BTBD9: variants seen among roughly 807,000 people sequenced by gnomAD.
The protein encoded by BTBD9 is BTB/POZ domain-containing protein 9.
Under a neutral mutation model 64.3 loss-of-function variants are expected in BTBD9, and 49 were observed. The ratio of observed to expected loss-of-function variants is 0.76; its 90% confidence interval spans 0.61 to 0.97. The LOEUF is 0.97. Ranked by LOEUF, BTBD9 falls within the 50% of genes least tolerant of loss-of-function variation. BTBD9 has a pLI of 0.00. For missense variants in BTBD9, 598 were observed against 762.1 expected (o/e 0.78, Z 2.53); for synonymous variants, 260 against 274.7 (o/e 0.95, Z 0.53).
chr6:38,327,449 A>C (rs1763484910), intron 7 of BTBD9, among the ~76,000 whole-genome samples: 1 of 152,174 alleles, frequency 6.6e-6, no homozygotes, highest in South Asian at 2.1e-4. Flanking sequence ...CAAATACTAA[A>C]GGTTTCTTTT....
chr6:38,338,256 C>T (rs1442287060), intron 7 of BTBD9, among the ~76,000 whole-genome samples: 1 of 152,220 alleles, frequency 6.6e-6, no homozygotes, highest in Admixed American at 6.5e-5. Context: ...ACAGATGATT[C>T]ACATCCCTGG....
At chr6:38,379,832 G>C (rs1348686348) in intron 6 of BTBD9, among the ~76,000 whole-genome samples, 1 of 152,190 alleles carries the variant, frequency 6.6e-6, no homozygotes, top group African/African-American at 2.4e-5. Flanking sequence ...ACTATATTGG[G>C]AGGATAGGGA....
Position 38,351,504 on chromosome 6 carries a change from G to GTTTTTTTTTTT in BTBD9, c.1155-6412_1155-6411insAAAAAAAAAAA, listed in dbSNP as rs79539406. Among the ~76,000 whole-genome samples, 15 of 96,684 alleles carry GTTTTTTTTTTT rather than the reference G, an allele frequency of 1.6e-4. 1 individual carries two copies. The highest frequency in any genetic ancestry group is 3.8e-4 in the Admixed American group (3 of 7,814). The allele number at this position is 96,684 out of a possible 152,430, so 63.4% of individuals were successfully genotyped here. ...TACTAAAGACAAATATTTAATTGTTGTTGTTTTTTTTTTTTTTTTTTTTGA... is the reference window on the plus strand; with the variant it reads ...TACTAAAGACAAATATTTAATTGTTGTTTTTTTTTTTTTGTTTTTTTTTTTTTTTTTTTTGA... On this transcript the variant is annotated intron_variant, in intron 6 of 10. Coordinates refer to ENST00000481247, the MANE Select transcript of BTBD9 (RefSeq NM_001099272.2).
At chr6:38,316,596 T>C (rs1480879852) in intron 7 of BTBD9, among the ~76,000 whole-genome samples, 2 of 152,214 alleles carry the variant, frequency 1.3e-5, no homozygotes, top group Non-Finnish European at 2.9e-5. Context: ...TAACTTCATC[T>C]CCCCACTTTT....
chr6:38,552,179 T>A (rs1774829367), intron 6 of BTBD9, among the ~76,000 whole-genome samples: 1 of 152,186 alleles, frequency 6.6e-6, no homozygotes, highest in Admixed American at 6.5e-5. Context: ...ATTAAGGGCC[T>A]CTATCTTAAG....
At chr6:38,417,800 G>GAGAAA (rs1554149297) in intron 6 of BTBD9, among the ~76,000 whole-genome samples, 11 of 143,040 alleles carry the variant, frequency 7.7e-5, no homozygotes, top group African/African-American at 2.7e-4. Flanking sequence ...GAGAGAGAGA[G>GAGAAA]AAAAAAAATA....
intron 6 of BTBD9, among the ~76,000 whole-genome samples, chr6:38,422,063 C>T (rs780582747): frequency 6.6e-6 from 1 of 152,138 alleles, no homozygotes; most frequent in Non-Finnish European, 1.5e-5. Flanking sequence ...AACCTCCGTA[C>T]AAAGTTAATT....
At chr6:38,218,684 G>T (rs1763093733) in intron 9 of BTBD9, among the ~76,000 whole-genome samples, 1 of 152,302 alleles carries the variant, frequency 6.6e-6, no homozygotes, top group Non-Finnish European at 1.5e-5. Flanking sequence ...TCCTGAAGTT[G>T]AATGTGTGTG....
At chr6:38,293,353 A>G (rs1017572570) in intron 7 of BTBD9, among the ~76,000 whole-genome samples, 1 of 152,234 alleles carries the variant, frequency 6.6e-6, no homozygotes, top group Non-Finnish European at 1.5e-5. Flanking sequence ...AAGAGCTTGC[A>G]TAGCCAAGAC....
At chr6:38,265,081 G>A (rs756929523) in intron 8 of BTBD9, among the ~76,000 whole-genome samples, 10 of 151,964 alleles carry the variant, frequency 6.6e-5, no homozygotes, top group African/African-American at 2.2e-4. Flanking sequence ...TCTCTAAAAG[G>A]GGAAGAAACG....
At chr6:38,203,359 C>T (rs1429968702) in intron 9 of BTBD9, among the ~76,000 whole-genome samples, 5 of 151,940 alleles carry the variant, frequency 3.3e-5, no homozygotes, top group Non-Finnish European at 7.4e-5. Flanking sequence ...TTTCTGGAAA[C>T]ATGCAATCTA....
chr6:38,316,683 C>G (rs1429099557), intron 7 of BTBD9, among the ~76,000 whole-genome samples: 2 of 152,090 alleles, frequency 1.3e-5, no homozygotes, highest in African/African-American at 4.8e-5. Context: ...TTATTTTAAT[C>G]AGTTCCTCTT....
At chr6:38,393,580 G>A (rs1460916102) in intron 6 of BTBD9, among the ~76,000 whole-genome samples, 1 of 151,496 alleles carries the variant, frequency 6.6e-6, no homozygotes, top group African/African-American at 2.4e-5. Flanking sequence ...TCAATAAAAA[G>A]CACTTAGCAA....
At chr6:38,405,883 C>T (rs899178651) in intron 6 of BTBD9, among the ~76,000 whole-genome samples, 3 of 151,922 alleles carry the variant, frequency 2.0e-5, no homozygotes, top group Non-Finnish European at 4.4e-5. Context: ...CAGCTGTGCA[C>T]AACAGTTACA....
At chr6:38,575,234 T>A (rs1214710146) in intron 6 of BTBD9, among the ~76,000 whole-genome samples, 1 of 152,202 alleles carries the variant, frequency 6.6e-6, no homozygotes, top group Non-Finnish European at 1.5e-5. Context: ...TCTCTCTTCA[T>A]TACATAGTCA....
intron 1 of BTBD9, among the ~76,000 whole-genome samples, chr6:38,617,289 C>G (rs1483895670): frequency 6.6e-6 from 1 of 152,160 alleles, no homozygotes; most frequent in Non-Finnish European, 1.5e-5. Context: ...ATGAGCAGAA[C>G]TCTCAAGGTT....
chr6:38,447,250 AT>A (rs1769315975), intron 6 of BTBD9, among the ~76,000 whole-genome samples: 2 of 152,210 alleles, frequency 1.3e-5, no homozygotes, highest in Admixed American at 1.3e-4. Flanking sequence ...TGCATGGCCC[AT>A]CCATTAGAGA....
intron 6 of BTBD9, among the ~76,000 whole-genome samples, chr6:38,436,871 T>C (rs1027029020): frequency 3.9e-5 from 6 of 152,218 alleles, no homozygotes; most frequent in Admixed American, 2.0e-4. Context: ...TCAGTATCTG[T>C]AAACAGGAAG....
intron 7 of BTBD9, among the ~76,000 whole-genome samples, chr6:38,329,459 A>AT (rs1193888884): frequency 6.6e-6 from 1 of 151,002 alleles, no homozygotes; most frequent in African/African-American, 2.4e-5. Context: ...AGTAGCTGGG[A>AT]TTACAGGGGC....
Sources: gnomAD v4.1 joint callset for allele counts (sites outside exome capture counted in the v4.1 genomes callset) on GRCh38, gnomAD v4.1.1 for gene constraint, MANE v1.5 for transcripts, NCBI Gene and HGNC (gene_info 2026-07-23, HGNC 2026-07-21) for gene names.